The following MAN1B1 variants were observed in gnomAD, a reference collection of about 807,000 sequenced individuals.
MAN1B1 encodes mannosidase alpha class 1B member 1.
In MAN1B1, 66 loss-of-function variants were observed where a neutral mutation model predicts 75.5. The ratio of observed to expected loss-of-function variants is 0.87; its 90% CI spans 0.72 to 1.07. The LOEUF is 1.07. MAN1B1 is among the 50% of genes least tolerant of loss of function. The probability of loss-of-function intolerance (pLI) is 0.00; values close to 1 mark genes in which losing one functional copy is unlikely to be tolerated. For missense variants in MAN1B1, 973 were observed against 912.5 expected (o/e 1.07, Z -0.85); for synonymous variants, 453 against 382.8 (o/e 1.18, Z -2.14).
Position 137,088,128 on chromosome 9 carries a change from C to T in MAN1B1, c.273C>T (p.Ala91=), listed in dbSNP as rs2130986186. ...GGAATATGATTCTCTTCCTCCTTGC[C>T]TTTCTGCTTTTCTGTGGACTCCTCT... ...LQRNMILFLL[A]FLLFCGLLFY... Residue 91 remains alanine (A), a synonymous_variant, in exon 2 of 13, where the codon GCC becomes GCT. Transcript: ENST00000371589. 1 of 1,614,212 alleles carries T rather than the reference C, an allele frequency of 6.2e-7. No individual in the cohort carries two copies. The highest frequency in any genetic ancestry group is 2.2e-5 in the East Asian group (1 of 44,892).
intron 8 of MAN1B1, 146 bp from the exon 9 acceptor site, chr9:137,105,979 A>G (rs1831079471): frequency 2.7e-6 from 2 of 730,544 alleles, no homozygotes; most frequent in Non-Finnish European, 4.9e-6. Flanking sequence ...GTGGGCAAGG[A>G]CAGCTGTGGG....
chr9:137,104,318 C>T (rs1408703297), intron 8 of MAN1B1: 2 of 324,698 alleles, frequency 6.2e-6, no homozygotes, highest in South Asian at 5.2e-5. Context: ...TCACTGCAAC[C>T]TCCACTCCCA....
chr9:137,105,721 C>T (rs939273759), intron 8 of MAN1B1: 3 of 374,982 alleles, frequency 8.0e-6, no homozygotes, highest in Non-Finnish European at 1.5e-5. Context: ...TTAATATCAT[C>T]AGGAGCAACA....
chr9:137,100,583 C>T (rs997635141), intron 6 of MAN1B1, among the ~76,000 whole-genome samples: 1 of 152,096 alleles, frequency 6.6e-6, no homozygotes, highest in Non-Finnish European at 1.5e-5. Flanking sequence ...AGTGCAATGG[C>T]GCAATCTCGG....
intron 10 of MAN1B1, 149 bp from the exon 11 acceptor site, chr9:137,107,101 C>T (rs936855458): frequency 3.3e-5 from 29 of 874,802 alleles, no homozygotes; most frequent in African/African-American, 2.9e-4. Flanking sequence ...CAGGCAGCTC[C>T]GCTGTTCCAT....
chr9:137,093,197 C>T (rs960028066), intron 3 of MAN1B1, among the ~76,000 whole-genome samples: 3 of 152,006 alleles, frequency 2.0e-5, no homozygotes, highest in East Asian at 1.9e-4. Flanking sequence ...AGTTTGAGAC[C>T]AGCCTGGCCA....
chr9:137,101,828 G>T, intron 8 of MAN1B1, 156 bp downstream of exon 8: 1 of 946,970 alleles, frequency 1.1e-6, no homozygotes, highest in Non-Finnish European at 1.6e-6. Context: ...CCATTTCCAG[G>T]CGTGGTCGGT....
rs199561708 is a variant in MAN1B1 at position 137,097,896 on chromosome 9, C to G, written c.689C>G (p.Thr230Ser). 5 of 1,560,398 alleles carry G rather than the reference C, an allele frequency of 3.2e-6. No homozygotes were observed. The African/African-American group carries it at 5.4e-5, about 17-fold the overall frequency. Residue 230 changes from threonine (T) to serine (S), a missense_variant, in exon 5 of 13, where the codon ACC becomes AGC. Coordinates refer to ENST00000371589, the MANE Select transcript of MAN1B1 (RefSeq NM_016219.5). ...ELPSRRAEVP[T>S]KPPLPPARTQ... ...CCTTCAAGAAGAGCAGAAGTGCCCA[C>G]CAAGCCTCCCCTGCCACCGGCCAGG...
At chr9:137,105,566 G>A (rs1017135378) in intron 8 of MAN1B1, 9 of 286,590 alleles carry the variant, frequency 3.1e-5, no homozygotes, top group Non-Finnish European at 6.1e-5. Context: ...CTTGCTGGGC[G>A]TGCCCTAACA....
intron 3 of MAN1B1, among the ~76,000 whole-genome samples, chr9:137,090,644 A>C (rs936436402): frequency 1.8e-4 from 28 of 151,596 alleles, no homozygotes; most frequent in African/African-American, 6.8e-4. Context: ...GGTTCAAGTG[A>C]TTCTCCTGCC....
chr9:137,100,889 G>C (rs2131018265), intron 6 of MAN1B1, 116 bp from the exon 7 acceptor site: 1 of 1,183,514 alleles, frequency 8.4e-7, no homozygotes, highest in East Asian at 2.4e-5. Flanking sequence ...CAAAGTGCTG[G>C]GATTACAGGC....
At chr9:137,093,894 A>G (rs1397217989) in intron 3 of MAN1B1, among the ~76,000 whole-genome samples, 1 of 152,158 alleles carries the variant, frequency 6.6e-6, no homozygotes, top group Non-Finnish European at 1.5e-5. Flanking sequence ...TTGACTCCCT[A>G]TCAAAATTCC....
chr9:137,087,064 C>T lies in MAN1B1; in HGVS notation c.65C>T (p.Pro22Leu), dbSNP rs764461245. ...TCCTCTCAGTCGGACTTCCTGACGC[C>T]GCCAGTGGGCGGGGCCCCTTGGGCC... ...LGSSQSDFLT[P>L]PVGGAPWAVA... The change falls in exon 1 of 13, where the codon CCG (proline) becomes CTG (leucine). Residue 22 changes from proline to leucine, a missense_variant. Transcript: ENST00000371589. 1.2e-5 allele frequency: 19 copies of T among 1,603,608 alleles called. No individual in the cohort carries two copies. Among genetic ancestry groups the T allele is most frequent in the Non-Finnish European group, 1.4e-5 (17 of 1,176,778 alleles).
At position 137,093,790 on chromosome 9, in the gene MAN1B1, C is replaced by T. The variant is rs374381612; in HGVS notation, c.466-2447C>T. Among the ~76,000 whole-genome samples, 5 of 151,764 alleles carry T rather than the reference C, an allele frequency of 3.3e-5. No homozygotes were observed. The East Asian group carries it at 5.9e-4, about 18-fold the overall frequency. Reference sequence around the variant, plus strand: ...CGGAGGTTGCAGTGAGCCGAGATCGCGCCACTGCACTCCAGCCTGGGCGAC... The same window carrying T: ...CGGAGGTTGCAGTGAGCCGAGATCGTGCCACTGCACTCCAGCCTGGGCGAC... On this transcript the variant is annotated intron_variant, in intron 3 of 12. Transcript: ENST00000371589.
chr9:137,103,674 C>T (rs1449207494), intron 8 of MAN1B1: 21 of 420,488 alleles, frequency 5.0e-5, no homozygotes, highest in Admixed American at 1.4e-4. Context: ...GCGTGCAGGT[C>T]GGTGGTGTTA....
At chr9:137,097,991 A>G (rs1306381667) in intron 5 of MAN1B1, 54 bp downstream of exon 5, 1 of 1,376,192 alleles carries the variant, frequency 7.3e-7, no homozygotes, top group Non-Finnish European at 1.0e-6. Flanking sequence ...CTGGTGGCTG[A>G]TGGGTGCAGG....
intron 8 of MAN1B1, chr9:137,105,758 C>A: frequency 4.7e-6 from 2 of 424,710 alleles, no homozygotes; most frequent in South Asian, 1.8e-5. Context: ...GGCACACTTG[C>A]CGTCCCTCCA....
At position 137,088,851 on chromosome 9, in the gene MAN1B1, A is replaced by G. The variant is rs761813458; in HGVS notation, c.329-18A>G. The G allele has an allele frequency of 1.2e-6, 2 of 1,613,512 alleles. No individual in the cohort carries two copies. Among genetic ancestry groups the G allele is most frequent in the East Asian group, 2.2e-5 (1 of 44,898 alleles). On this transcript the variant is annotated intron_variant, in intron 2 of 12. Coordinates refer to ENST00000371589, the MANE Select transcript of MAN1B1 (RefSeq NM_016219.5). ...GGCCTTGTGGCATATTTGAAATAAAATAGCTTCTGTTATTCAGCTCTGGCT... is the reference window on the plus strand; with the variant it reads ...GGCCTTGTGGCATATTTGAAATAAAGTAGCTTCTGTTATTCAGCTCTGGCT...
intron 8 of MAN1B1, chr9:137,102,360 T>G: frequency 2.7e-6 from 1 of 367,994 alleles, no homozygotes; most frequent in Non-Finnish European, 5.2e-6. Context: ...TGGTGTTACA[T>G]TCACGCTGTT....
Sources: gnomAD v4.1 joint callset for allele counts (sites outside exome capture counted in the v4.1 genomes callset) on GRCh38, gnomAD v4.1.1 for gene constraint, MANE v1.5 for transcripts, NCBI Gene and HGNC (gene_info 2026-07-23, HGNC 2026-07-21) for gene names.